MAPK10: variants seen among roughly 807,000 people sequenced by gnomAD.
MAPK10 encodes JNK3 alpha protein kinase.
MAPK10 carries 25 observed loss-of-function variants against 59.3 expected under a neutral mutation model. The ratio of observed to expected loss-of-function variants is 0.42; its 90% CI spans 0.31 to 0.59. The LOEUF (loss-of-function observed/expected upper bound fraction) is 0.59, where lower values mean the gene tolerates loss of function less well. Among genes scored for constraint, MAPK10 ranks in the 20% least tolerant of loss-of-function variants. MAPK10 has a pLI of 0.15. For synonymous variants in MAPK10, 190 were observed against 200.5 expected (o/e 0.95, Z 0.44); for missense variants, 351 against 568.9 (o/e 0.62, Z 3.90).
intron 4 of MAPK10, among the ~76,000 whole-genome samples, chr4:86,112,127 G>T (rs555798442): frequency 7.2e-6 from 1 of 138,646 alleles, no homozygotes; most frequent in Non-Finnish European, 1.6e-5. Context: ...TCTAGTTAGT[G>T]GTCTATTTTA....
At chr4:86,584,471 G>A (rs1009212503) in intron 1 of MAPK10, among the ~76,000 whole-genome samples, 1 of 152,102 alleles carries the variant, frequency 6.6e-6, no homozygotes, top group East Asian at 1.9e-4. Flanking sequence ...CTACGAGAGG[G>A]TCTCACTCTG....
At chr4:86,372,884 G>C (rs973822328) in intron 1 of MAPK10, among the ~76,000 whole-genome samples, 2 of 151,920 alleles carry the variant, frequency 1.3e-5, no homozygotes, top group Non-Finnish European at 2.9e-5. Flanking sequence ...AATTCAAAAG[G>C]TAGCAGATGA....
chr4:86,469,920 C>CAAA (rs1752526964), intron 1 of MAPK10, among the ~76,000 whole-genome samples: 1 of 152,100 alleles, frequency 6.6e-6, no homozygotes, highest in Non-Finnish European at 1.5e-5. Context: ...GGCAATGAGG[C>CAAA]TTTTTCTAAA....
At chr4:86,527,534 A>G (rs1757557614) in intron 1 of MAPK10, among the ~76,000 whole-genome samples, 1 of 152,160 alleles carries the variant, frequency 6.6e-6, no homozygotes, top group Non-Finnish European at 1.5e-5. Context: ...GGCTGTGGAG[A>G]AAAGGGAATG....
chr4:86,299,881 T>C lies in MAPK10; in HGVS notation c.-7+54649A>G, dbSNP rs1431523319. ...TCTTTTAAGAGAGACAATAATACCTTTCTTATTTTTTTTCTTTTTTTGTTT... is the reference window on the plus strand; with the variant it reads ...TCTTTTAAGAGAGACAATAATACCTCTCTTATTTTTTTTCTTTTTTTGTTT... On this transcript the variant is annotated intron_variant, in intron 2 of 13. Coordinates refer to ENST00000641462, the MANE Select transcript of MAPK10 (RefSeq NM_138982.4). Among the ~76,000 whole-genome samples the C allele has an allele frequency of 3.9e-5, 6 of 152,184 alleles. No homozygotes were observed. The East Asian group carries it at 1.2e-3, about 29-fold the overall frequency.
At chr4:86,156,386 G>A (rs1016028458) in intron 4 of MAPK10, among the ~76,000 whole-genome samples, 3 of 151,410 alleles carry the variant, frequency 2.0e-5, no homozygotes, top group East Asian at 1.9e-4. Flanking sequence ...AATTGTATTC[G>A]TCTTACAGTT....
intron 9 of MAPK10, among the ~76,000 whole-genome samples, chr4:86,075,299 A>AT (rs986112499): frequency 1.3e-5 from 2 of 151,586 alleles, no homozygotes; most frequent in African/African-American, 4.8e-5. Flanking sequence ...ATTCTTCTAA[A>AT]TTTTTTTCAA....
At chr4:86,186,167 T>C (rs2078179425) in intron 3 of MAPK10, among the ~76,000 whole-genome samples, 1 of 152,126 alleles carries the variant, frequency 6.6e-6, no homozygotes, top group Non-Finnish European at 1.5e-5. Context: ...GCCTAAAATA[T>C]AGGTATTATT....
At chr4:86,482,770 A>C (rs973351917) in intron 1 of MAPK10, among the ~76,000 whole-genome samples, 1 of 152,182 alleles carries the variant, frequency 6.6e-6, no homozygotes, top group Non-Finnish European at 1.5e-5. Flanking sequence ...GCCCAAGAGA[A>C]TCAGGCACAG....
chr4:86,174,300 T>C (rs1243225892), intron 3 of MAPK10, among the ~76,000 whole-genome samples: 2 of 152,152 alleles, frequency 1.3e-5, no homozygotes, highest in African/African-American at 4.8e-5. Context: ...TAAAGAGGAA[T>C]GAGATCATAT....
intron 1 of MAPK10, among the ~76,000 whole-genome samples, chr4:86,430,203 A>G (rs1183278297): frequency 6.6e-6 from 1 of 152,222 alleles, no homozygotes; most frequent in African/African-American, 2.4e-5. Context: ...AAGAATACTC[A>G]AGAATAATTA....
intron 2 of MAPK10, chr4:86,322,159 T>A (rs2095909611): frequency 6.6e-6 from 1 of 152,214 alleles, no homozygotes; most frequent in South Asian, 2.1e-4. Context: ...TAAGCAGCAC[T>A]GTAGCATGTT....
At chr4:86,580,928 T>C (rs1228555149) in intron 1 of MAPK10, among the ~76,000 whole-genome samples, 1 of 152,168 alleles carries the variant, frequency 6.6e-6, no homozygotes, top group Non-Finnish European at 1.5e-5. Context: ...CCTGGAGTTG[T>C]GAAATCAAAG....
At chr4:86,259,060 A>G (rs949843576) in intron 2 of MAPK10, among the ~76,000 whole-genome samples, 26 of 152,148 alleles carry the variant, frequency 1.7e-4, no homozygotes, top group Admixed American at 1.7e-3. Flanking sequence ...CTTGGTTTCC[A>G]GGGCAACAGT....
At chr4:86,308,599 G>A (rs2095612330) in intron 2 of MAPK10, 1 of 152,100 alleles carries the variant, frequency 6.6e-6, no homozygotes, top group Admixed American at 6.5e-5. Flanking sequence ...ACATGATTTA[G>A]TTAAATTATA....
chr4:86,501,680 GCACACA>G (rs144986675), intron 1 of MAPK10, among the ~76,000 whole-genome samples: 5 of 146,928 alleles, frequency 3.4e-5, no homozygotes, highest in African/African-American at 1.2e-4. Flanking sequence ...GTGTGTGCAT[GCACACA>G]CACACACACA....
intron 1 of MAPK10, among the ~76,000 whole-genome samples, chr4:86,530,883 T>C (rs903476874): frequency 3.9e-5 from 6 of 152,184 alleles, no homozygotes; most frequent in African/African-American, 1.4e-4. Flanking sequence ...CAGAAATGTC[T>C]TTTTTGAACT....
chr4:86,494,051 A>G (rs1256812554), intron 1 of MAPK10, among the ~76,000 whole-genome samples: 1 of 152,186 alleles, frequency 6.6e-6, no homozygotes, highest in Non-Finnish European at 1.5e-5. Context: ...TTAAAAGTTT[A>G]GGCATTGGGA....
intron 1 of MAPK10, among the ~76,000 whole-genome samples, chr4:86,503,657 C>T (rs1353597890): frequency 1.3e-5 from 2 of 152,062 alleles, no homozygotes; most frequent in South Asian, 2.1e-4. Flanking sequence ...TCAACGCTTA[C>T]CTAATAATCT....
Sources: gnomAD v4.1 joint callset for allele counts (sites outside exome capture counted in the v4.1 genomes callset) on GRCh38, gnomAD v4.1.1 for gene constraint, MANE v1.5 for transcripts, NCBI Gene and HGNC (gene_info 2026-07-23, HGNC 2026-07-21) for gene names.